The following CBFA2T3 variants were observed in gnomAD, a reference collection of about 807,000 sequenced individuals.
CBFA2T3 encodes the protein transcriptional corepressor CBFA2T3.
In CBFA2T3, 31 loss-of-function variants were observed where a neutral mutation model predicts 58.6. That is an observed-to-expected ratio of 0.53 (90% confidence interval 0.40 to 0.71). The LOEUF is 0.71. Ranked by LOEUF, CBFA2T3 falls within the 30% of genes least tolerant of loss-of-function variation. The probability of loss-of-function intolerance (pLI) is 0.00; values close to 1 mark genes in which losing one functional copy is unlikely to be tolerated. For missense variants in CBFA2T3, 1,076 were observed against 963.1 expected (o/e 1.12, Z -1.55); for synonymous variants, 531 against 421.9 (o/e 1.26, Z -3.17).
In CBFA2T3 at chr16:88,917,298, G is replaced by T. The variant is rs192328674; in HGVS notation, c.152-15642C>A. Among the ~76,000 whole-genome samples the T allele has an allele frequency of 3.1e-3, 476 of 152,288 alleles. 3 individuals carry two copies. The highest frequency in any genetic ancestry group is 0.024 in the Middle Eastern group (7 of 294). ...AACCTTCCAGGAAGAGGCTGCACCT[G>T]GTTCTGAAGGCTGCGGAACTGGCAC... On this transcript the variant is annotated intron_variant, in intron 1 of 11. Transcript: ENST00000268679.
intron 1 of CBFA2T3, among the ~76,000 whole-genome samples, chr16:88,956,838 G>A (rs1026931154): frequency 5.3e-5 from 8 of 152,204 alleles, no homozygotes; most frequent in African/African-American, 7.2e-5. Context: ...TCCAGGTGGC[G>A]TCACAGGGGC....
chr16:88,931,488 C>T (rs1191894618), intron 1 of CBFA2T3, among the ~76,000 whole-genome samples: 3 of 151,162 alleles, frequency 2.0e-5, no homozygotes, highest in Non-Finnish European at 4.4e-5. Flanking sequence ...GCAGAAGCCC[C>T]TTCATGTGCC....
At chr16:88,901,682 T>A (rs1970104807) in intron 1 of CBFA2T3, 26 bp from the exon 2 acceptor site, 1 of 1,514,592 alleles carries the variant, frequency 6.6e-7, no homozygotes, top group Non-Finnish European at 8.7e-7. Context: ...AAAGAAAGAG[T>A]CGGTGAAGCA....
rs540535976 is a variant in CBFA2T3 at position 88,906,329 on chromosome 16, C to T, written c.152-4673G>A. On this transcript the variant is annotated intron_variant, in intron 1 of 11. Coordinates refer to ENST00000268679, the MANE Select transcript of CBFA2T3 (RefSeq NM_005187.6). ...CCATTTCTACTCCGCAGACCCACTT[C>T]GAGGCTCGGAGGCCCCGTGGGCTAC... Among the ~76,000 whole-genome samples the T allele has an allele frequency of 2.1e-4, 32 of 152,262 alleles. No homozygotes were observed. In the South Asian group the frequency reaches 6.2e-3, roughly 30 times the overall value.
chr16:88,948,067 G>C (rs961097900), intron 1 of CBFA2T3, among the ~76,000 whole-genome samples: 1 of 152,184 alleles, frequency 6.6e-6, no homozygotes, highest in Admixed American at 6.5e-5. Context: ...CCCGTGGTGG[G>C]TGTTTAATGT....
At chr16:88,940,950 C>A in intron 1 of CBFA2T3, 2 of 800,184 alleles carry the variant, frequency 2.5e-6, no homozygotes, top group Non-Finnish European at 3.0e-6. Context: ...CGGCGCAGAT[C>A]CGGGAACGGC....
rs945551745 is a variant in CBFA2T3 at position 88,931,444 on chromosome 16, G to A, written c.152-29788C>T. Among the ~76,000 whole-genome samples the A allele has an allele frequency of 2.0e-5, 3 of 152,166 alleles. No homozygotes were observed. In the East Asian group the frequency reaches 5.8e-4, roughly 29 times the overall value. ...TCACAAGGACCGGTCTGTGGCAAGT[G>A]ACAAGTGACCTTTCCAACCCGAAGG... On this transcript the variant is annotated intron_variant, in intron 1 of 11. Coordinates refer to ENST00000268679, the MANE Select transcript of CBFA2T3 (RefSeq NM_005187.6).
intron 1 of CBFA2T3, among the ~76,000 whole-genome samples, chr16:88,910,587 C>T (rs1432725846): frequency 6.6e-6 from 1 of 152,228 alleles, no homozygotes; most frequent in Non-Finnish European, 1.5e-5. Context: ...CCTCCCACCT[C>T]AGGAAGAGCT....
intron 1 of CBFA2T3, among the ~76,000 whole-genome samples, chr16:88,908,297 G>A (rs1313265274): frequency 2.6e-5 from 4 of 151,628 alleles, no homozygotes; most frequent in East Asian, 1.9e-4. Flanking sequence ...AGCCGAATTC[G>A]TGCCACCGCA....
At position 88,875,528 on chromosome 16, in the gene CBFA2T3, CAA is replaced by C; in HGVS notation, c.*1446_*1447del. ...GTTTGTAGTTTTTTTGTTTTTTCTG[CAA>C]AAGTTTGGAAGAAAGGGGAGTAGCT... On this transcript the variant is annotated 3_prime_UTR_variant, in exon 12 of 12. Transcript: ENST00000268679. 4.3e-6 allele frequency: 1 copy of C among 233,412 alleles called. No individual in the cohort carries two copies. The highest frequency in any genetic ancestry group is 6.0e-5 in the East Asian group (1 of 16,562). The allele number at this position is 233,412 out of a possible 1,614,324, so 14.5% of individuals were successfully genotyped here.
At chr16:88,921,165 G>A (rs1970905390) in intron 1 of CBFA2T3, among the ~76,000 whole-genome samples, 1 of 152,236 alleles carries the variant, frequency 6.6e-6, no homozygotes, top group Non-Finnish European at 1.5e-5. Context: ...GAAAGGGGAG[G>A]AAAATATTTT....
At chr16:88,947,019 C>T (rs976205328) in intron 1 of CBFA2T3, among the ~76,000 whole-genome samples, 6 of 152,188 alleles carry the variant, frequency 3.9e-5, no homozygotes, top group Non-Finnish European at 8.8e-5. Flanking sequence ...TAATGGTAGA[C>T]GCAAGTCATA....
intron 1 of CBFA2T3, among the ~76,000 whole-genome samples, chr16:88,968,931 T>C (rs1270410300): frequency 6.6e-6 from 1 of 152,156 alleles, no homozygotes. Flanking sequence ...CTCCAGGGTC[T>C]GCAGCGCTGC....
At position 88,886,023 on chromosome 16, in the gene CBFA2T3, G is replaced by C; in HGVS notation, c.831C>G (p.Pro277=). 1 of 1,568,170 alleles carries C rather than the reference G, an allele frequency of 6.4e-7. No individual in the cohort carries two copies. The highest frequency in any genetic ancestry group is 8.6e-7 in the Non-Finnish European group (1 of 1,158,620). ...QLLLDASASS[P]IDSSELLLEV... Reference sequence around the variant, plus strand: ...CCAGTAGCAGCTCTGAGGAGTCGATGGGGGAGGAGGCGCTGGCGTCCAGCA... The same window carrying C: ...CCAGTAGCAGCTCTGAGGAGTCGATCGGGGAGGAGGCGCTGGCGTCCAGCA... The change falls in exon 6 of 12, where the codon CCC becomes CCG. Residue 277 remains proline (P), a synonymous_variant. Coordinates refer to ENST00000268679, the MANE Select transcript of CBFA2T3 (RefSeq NM_005187.6).
chr16:88,912,952 A>T (rs1970576777), intron 1 of CBFA2T3, among the ~76,000 whole-genome samples: 1 of 152,136 alleles, frequency 6.6e-6, no homozygotes, highest in African/African-American at 2.4e-5. Flanking sequence ...AGGCCAGGGA[A>T]TGCCGGTCAT....
At chr16:88,917,174 C>T (rs2142725130) in intron 1 of CBFA2T3, among the ~76,000 whole-genome samples, 1 of 152,296 alleles carries the variant, frequency 6.6e-6, no homozygotes, top group Admixed American at 6.5e-5. Flanking sequence ...GCCCGGGCTG[C>T]AGGAGTTAGC....
intron 1 of CBFA2T3, 119 bp from the exon 2 acceptor site, chr16:88,901,775 C>A: frequency 2.3e-6 from 2 of 876,962 alleles, no homozygotes; most frequent in Non-Finnish European, 3.3e-6. Flanking sequence ...CTGGGGCAGT[C>A]TGCCCCAGGT....
In CBFA2T3 at chr16:88,891,045, G is replaced by A. The variant is rs559079555; in HGVS notation, c.711+837C>T. 7.2e-5 allele frequency among the ~76,000 whole-genome samples: 11 copies of A among 152,192 alleles called. No homozygotes were observed. The East Asian group carries it at 7.7e-4, about 11-fold the overall frequency. On this transcript the variant is annotated intron_variant, in intron 5 of 11. Transcript: ENST00000268679. ...AGAGCCTGCAAAGCTGACAAGCCCC[G>A]CGTGCTGCCACCCTGGTCCACGGTT...
chr16:88,881,269 TC>T (rs760826925), intron 9 of CBFA2T3, 21 bp downstream of exon 9: 7 of 1,584,184 alleles, frequency 4.4e-6, no homozygotes, highest in Non-Finnish European at 3.4e-6. Flanking sequence ...GTCTGCTCCC[TC>T]CCCCCACACC....
Sources: gnomAD v4.1 joint callset for allele counts (sites outside exome capture counted in the v4.1 genomes callset) on GRCh38, gnomAD v4.1.1 for gene constraint, MANE v1.5 for transcripts, NCBI Gene and HGNC (gene_info 2026-07-23, HGNC 2026-07-21) for gene names.